ANKRD42: variants seen among roughly 807,000 people sequenced by gnomAD.
ANKRD42 encodes the protein ankyrin repeat domain 42, also known as ankyrin repeat domain-containing protein 42.
In ANKRD42, 43 loss-of-function variants were observed where a neutral mutation model predicts 51.5. The ratio of observed to expected loss-of-function variants is 0.83; its 90% CI spans 0.65 to 1.08. ANKRD42 has a LOEUF of 1.08. Among genes scored for constraint, ANKRD42 ranks in the 50% least tolerant of loss-of-function variants. The pLI, the probability that ANKRD42 is intolerant of heterozygous loss-of-function variation, is 0.00. For synonymous variants in ANKRD42, 203 were observed against 213.0 expected (o/e 0.95, Z 0.41); for missense variants, 608 against 629.3 (o/e 0.97, Z 0.36).
chr11:83,246,472 G>T (rs1863545647), intron 10 of ANKRD42, among the ~76,000 whole-genome samples: 1 of 152,170 alleles, frequency 6.6e-6, no homozygotes, highest in Non-Finnish European at 1.5e-5. Flanking sequence ...ATAGCTGCTG[G>T]GATAGAGGAT....
intron 2 of ANKRD42, among the ~76,000 whole-genome samples, chr11:83,204,873 A>G (rs1054268560): frequency 1.3e-5 from 2 of 152,228 alleles, no homozygotes; most frequent in African/African-American, 4.8e-5. Flanking sequence ...ACTTTCTCAA[A>G]GAGTACATAT....
intron 5 of ANKRD42, chr11:83,213,297 A>T: frequency 1.3e-6 from 2 of 1,591,990 alleles, no homozygotes; most frequent in Non-Finnish European, 1.7e-6. Flanking sequence ...TACTGTGCTG[A>T]GATGTTTCCT....
chr11:83,256,220 G>GGTAT (rs1863771678), downstream of ANKRD42: 1 of 188,716 alleles, frequency 5.3e-6, no homozygotes, highest in African/African-American at 2.4e-5. Flanking sequence ...AATATTAGCT[G>GGTAT]GTATAGTAAT....
At chr11:83,211,171 T>G (rs985376646) in intron 4 of ANKRD42, 124 bp from the exon 5 acceptor site, 21 of 1,233,386 alleles carry the variant, frequency 1.7e-5, no homozygotes, top group Admixed American at 7.5e-5. Flanking sequence ...CATTTTTCTA[T>G]TAAGTGTTTG....
chr11:83,213,266 C>T (rs1370514308), intron 5 of ANKRD42: 19 of 1,596,796 alleles, frequency 1.2e-5, no homozygotes, highest in African/African-American at 2.7e-5. Context: ...GCTGGAAGTG[C>T]TGCTGATGTG....
At position 83,248,400 on chromosome 11, in the gene ANKRD42, G is replaced by A. The variant is rs1863608374; in HGVS notation, c.*196G>A. On this transcript the variant is annotated 3_prime_UTR_variant, in exon 11 of 11. Transcript: ENST00000533342. Reference sequence around the variant, plus strand: ...TCTGTCTATCTATCTTCAAACAGCAGCCTAGTTCATAAGTATTATTGTTAA... The same window carrying A: ...TCTGTCTATCTATCTTCAAACAGCAACCTAGTTCATAAGTATTATTGTTAA... 2 of 1,282,284 alleles carry A rather than the reference G, an allele frequency of 1.6e-6. No individual in the cohort carries two copies. The highest frequency in any genetic ancestry group is 2.0e-6 in the Non-Finnish European group (2 of 1,020,388). 79.4% of individuals were successfully genotyped at this position (1,282,284 alleles called of 1,614,324 possible).
chr11:83,215,268 T>C (rs1862488706), intron 5 of ANKRD42: 1 of 152,188 alleles, frequency 6.6e-6, no homozygotes, highest in South Asian at 2.1e-4. Flanking sequence ...TTATAGTTTA[T>C]TTAATATAAA....
intron 5 of ANKRD42, chr11:83,214,476 G>T (rs1293141116): frequency 2.0e-6 from 2 of 978,702 alleles, no homozygotes; most frequent in East Asian, 2.3e-4. Flanking sequence ...CTTTAAACAT[G>T]TATGATTATT....
intron 8 of ANKRD42, among the ~76,000 whole-genome samples, chr11:83,236,861 C>T (rs1175343471): frequency 6.6e-6 from 1 of 152,140 alleles, no homozygotes; most frequent in African/African-American, 2.4e-5. Context: ...TTTGTCCCAT[C>T]CAAATGCCTG....
downstream of ANKRD42, chr11:83,260,184 A>C (rs1454810637): frequency 6.6e-6 from 1 of 152,188 alleles, no homozygotes; most frequent in African/African-American, 2.4e-5. Flanking sequence ...ATATTTTAGA[A>C]TATTTTAAAT....
chr11:83,236,003 G>A (rs527707642), intron 7 of ANKRD42, among the ~76,000 whole-genome samples: 31 of 152,152 alleles, frequency 2.0e-4, no homozygotes, highest in African/African-American at 7.0e-4. Flanking sequence ...GTTAGAATGT[G>A]CTCACATTCT....
At chr11:83,228,505 A>G (rs141568718) in intron 7 of ANKRD42, among the ~76,000 whole-genome samples, 2,319 of 152,144 alleles carry the variant, frequency 0.015, 66 homozygotes, top group African/African-American at 0.053. Context: ...GCAGGATTAC[A>G]GGCGTGAGCC....
intron 5 of ANKRD42, among the ~76,000 whole-genome samples, chr11:83,222,004 A>G (rs1862731895): frequency 6.6e-6 from 1 of 152,194 alleles, no homozygotes; most frequent in Admixed American, 6.5e-5. Context: ...CACTTTTTCC[A>G]GTATAAAAAC....
At chr11:83,209,356 G>C (rs578032794) in intron 3 of ANKRD42, 2 of 1,422,578 alleles carry the variant, frequency 1.4e-6, no homozygotes, top group East Asian at 2.5e-5. Context: ...GAGTTGCTTG[G>C]AGGTTGGCAG....
At chr11:83,243,311 T>C (rs778162179) in intron 9 of ANKRD42, among the ~76,000 whole-genome samples, 21 of 152,200 alleles carry the variant, frequency 1.4e-4, no homozygotes, top group Non-Finnish European at 2.6e-4. Flanking sequence ...GATTAAAATG[T>C]GTAAGGTACT....
chr11:83,227,025 A>G (rs1046651757), intron 6 of ANKRD42, among the ~76,000 whole-genome samples: 4 of 152,160 alleles, frequency 2.6e-5, no homozygotes, highest in African/African-American at 9.7e-5. Flanking sequence ...GGATGACTCT[A>G]TATGTGTGTG....
chr11:83,258,728 CT>C (rs1343218330), downstream of ANKRD42, among the ~76,000 whole-genome samples: 2 of 152,012 alleles, frequency 1.3e-5, no homozygotes, highest in Non-Finnish European at 2.9e-5. Flanking sequence ...TCCCACTGCC[CT>C]TTTTTTAAAT....
intron 5 of ANKRD42, chr11:83,214,498 CAGGTAGAGTATTTATAATAATATAGATGT>C (rs1862453664): frequency 1.0e-6 from 1 of 978,472 alleles, no homozygotes; most frequent in African/African-American, 1.8e-5. Flanking sequence ...TATTTATAAC[CAGGTAGAGTATTTATAATAATATAGATGT>C]TAAGAAAGAA....
rs962439890 is a variant in ANKRD42, at chr11:83,213,462, C to T, written c.586+2032C>T. The T allele has an allele frequency of 2.2e-6, 3 of 1,395,070 alleles. No individual in the cohort carries two copies. In the Admixed American group the frequency reaches 8.9e-5, roughly 41 times the overall value. The allele number at this position is 1,395,070 out of a possible 1,614,324, so 86.4% of individuals were successfully genotyped here. On this transcript the variant is annotated intron_variant, in intron 5 of 10. Coordinates refer to ENST00000533342, the MANE Select transcript of ANKRD42 (RefSeq NM_001300975.2). ...AACTGTAAAAACTGCAAAGAAAAAC[C>T]AAAAAACAACAACAAAAAATTATTT...
Sources: allele counts gnomAD v4.1 joint callset (sites outside exome capture counted in the v4.1 genomes callset), GRCh38; gene constraint gnomAD v4.1.1; transcripts MANE v1.5; gene names NCBI Gene and HGNC (gene_info 2026-07-23, HGNC 2026-07-21).